TYW1: variants seen among roughly 807,000 people sequenced by gnomAD.
TYW1 encodes the protein tRNA-yW synthesizing protein 1 homolog.
Under a neutral mutation model 96.2 loss-of-function variants are expected in TYW1, and 46 were observed. The ratio of observed to expected loss-of-function variants is 0.48; its 90% CI spans 0.38 to 0.61. TYW1 has a LOEUF of 0.61. TYW1 is among the 20% of genes least tolerant of loss of function. The pLI is 0.00. For synonymous variants in TYW1, 274 were observed against 323.0 expected, an observed-to-expected ratio of 0.85 and a Z score of 1.63; for missense variants, 684 against 909.6, an observed-to-expected ratio of 0.75 and a Z score of 3.19.
At chr7:67,012,600 A>G (rs1287489196) in intron 4 of TYW1, among the ~76,000 whole-genome samples, 4 of 152,160 alleles carry the variant, frequency 2.6e-5, no homozygotes, top group South Asian at 2.1e-4. Context: ...ACACCAGGCT[A>G]TCAAGACTAA....
intron 14 of TYW1, among the ~76,000 whole-genome samples, chr7:67,189,563 T>C (rs1341989726): frequency 1.3e-5 from 2 of 152,196 alleles, no homozygotes. Context: ...CCAGTTTTGA[T>C]ACCCACCTAA....
chr7:67,067,363 C>G lies in TYW1; in HGVS notation c.1234C>G (p.Pro412Ala). 6.2e-7 allele frequency: 1 copy of G among 1,613,954 alleles called. No homozygotes were observed. Among genetic ancestry groups the G allele is most frequent in the Non-Finnish European group, 8.5e-7 (1 of 1,179,868 alleles). The change falls in exon 10 of 16, where the codon CCG becomes GCG. Residue 412 changes from proline to alanine, a missense_variant. Coordinates refer to ENST00000359626, the MANE Select transcript of TYW1 (RefSeq NM_018264.4). ...GAGCCATCGCTGCATGGAAACCACCCCGAGCTTGGCGTGTGCTAATAAATG... is the reference window on the plus strand; with the variant it reads ...GAGCCATCGCTGCATGGAAACCACCGCGAGCTTGGCGTGTGCTAATAAATG... ...IESHRCMETT[P>A]SLACANKCVF...
At chr7:67,075,717 C>T (rs137891722) in intron 10 of TYW1, among the ~76,000 whole-genome samples, 42 of 152,130 alleles carry the variant, frequency 2.8e-4, no homozygotes, top group African/African-American at 8.2e-4. Flanking sequence ...TGCCTAGGGC[C>T]GGAGGGAATA....
chr7:67,199,899 CAAGA>C (rs1019376416), intron 15 of TYW1, among the ~76,000 whole-genome samples: 94 of 144,092 alleles, frequency 6.5e-4, no homozygotes, highest in African/African-American at 2.3e-3. Flanking sequence ...GAGAACCCAT[CAAGA>C]AAGAAAGAGA....
At chr7:67,027,153 T>G (rs181459876) in intron 7 of TYW1, among the ~76,000 whole-genome samples, 2 of 151,796 alleles carry the variant, frequency 1.3e-5, no homozygotes, top group East Asian at 3.9e-4. Context: ...TGAGCTGTGA[T>G]CATGTCACTG....
intron 11 of TYW1, among the ~76,000 whole-genome samples, chr7:67,093,675 G>A (rs1796793258): frequency 1.3e-5 from 2 of 152,108 alleles, no homozygotes; most frequent in African/African-American, 2.4e-5. Flanking sequence ...TAAGATCTTA[G>A]ATTTCAATAA....
At chr7:67,065,198 T>C (rs1795819990) in intron 9 of TYW1, among the ~76,000 whole-genome samples, 1 of 152,204 alleles carries the variant, frequency 6.6e-6, no homozygotes, top group Non-Finnish European at 1.5e-5. Context: ...TGCAGAGAGA[T>C]CTCTGGTCTC....
intron 13 of TYW1, among the ~76,000 whole-genome samples, chr7:67,128,690 GTTTTT>G (rs59475781): frequency 0.29 from 39,392 of 136,828 alleles, 5,966 homozygotes; most frequent in African/African-American, 0.44. Flanking sequence ...AGGTCTCAGT[GTTTTT>G]TTTTTTTTTT....
At chr7:67,139,980 T>C (rs1798392078) in intron 13 of TYW1, among the ~76,000 whole-genome samples, 1 of 151,980 alleles carries the variant, frequency 6.6e-6, no homozygotes, top group Non-Finnish European at 1.5e-5. Flanking sequence ...CAAAGAGGTT[T>C]AATGGGACTT....
At chr7:67,201,434 A>G (rs1275595145) in intron 15 of TYW1, among the ~76,000 whole-genome samples, 2 of 148,810 alleles carry the variant, frequency 1.3e-5, no homozygotes, top group East Asian at 3.9e-4. Flanking sequence ...AAAGGCTGTG[A>G]TGAATGAGAG....
Position 67,238,552 on chromosome 7 carries a change from G to A in TYW1, c.*23G>A. 6.2e-7 allele frequency: 1 copy of A among 1,602,610 alleles called. No homozygotes were observed. Among genetic ancestry groups the A allele is most frequent in the Non-Finnish European group, 8.5e-7 (1 of 1,174,726 alleles). ...TGAGATTATCTGATTTCAAGGTACT[G>A]AAGGACAAAAACTTGGATGGCCTCA... On this transcript the variant is annotated 3_prime_UTR_variant, in exon 16 of 16. Transcript: ENST00000359626.
At chr7:67,208,625 G>T (rs1414014715) in intron 15 of TYW1, among the ~76,000 whole-genome samples, 1 of 150,510 alleles carries the variant, frequency 6.6e-6, no homozygotes, top group Non-Finnish European at 1.5e-5. Context: ...GTGAGGCGGA[G>T]GTTGCAGTGA....
chr7:67,219,364 TTGTC>T (rs765643845), intron 15 of TYW1, among the ~76,000 whole-genome samples: 29 of 152,236 alleles, frequency 1.9e-4, no homozygotes, highest in Non-Finnish European at 4.3e-4. Flanking sequence ...AGTACGATCT[TTGTC>T]TGGCTTTGGT....
intron 13 of TYW1, among the ~76,000 whole-genome samples, chr7:67,169,069 T>C (rs1235728595): frequency 1.3e-5 from 2 of 152,220 alleles, no homozygotes; most frequent in Non-Finnish European, 2.9e-5. Flanking sequence ...CAAGTAATTT[T>C]TGGAATACTT....
intron 11 of TYW1, among the ~76,000 whole-genome samples, chr7:67,095,875 T>A (rs1796893704): frequency 6.6e-6 from 1 of 152,182 alleles, no homozygotes; most frequent in Non-Finnish European, 1.5e-5. Context: ...AAATTTAACT[T>A]TATTTCGCCC....
At chr7:67,052,249 C>T (rs1412708070) in intron 8 of TYW1, among the ~76,000 whole-genome samples, 3 of 152,068 alleles carry the variant, frequency 2.0e-5, no homozygotes, top group Non-Finnish European at 4.4e-5. Flanking sequence ...CTCCTCCCCA[C>T]CCACCCACTT....
chr7:67,202,039 TTGGGAACCA>T (rs889554212), intron 15 of TYW1, among the ~76,000 whole-genome samples: 12 of 152,206 alleles, frequency 7.9e-5, no homozygotes, highest in African/African-American at 2.9e-4. Flanking sequence ...TTCCCACTGC[TTGGGAACCA>T]TGGCCACGAA....
chr7:67,090,638 A>C (rs965520897), intron 11 of TYW1, among the ~76,000 whole-genome samples: 2 of 152,176 alleles, frequency 1.3e-5, no homozygotes, highest in African/African-American at 4.8e-5. Flanking sequence ...TAGTTGTGAA[A>C]GGGTTAAGAT....
chr7:67,123,702 G>A (rs1797829686), intron 13 of TYW1, among the ~76,000 whole-genome samples: 1 of 152,306 alleles, frequency 6.6e-6, no homozygotes, highest in South Asian at 2.1e-4. Context: ...GGGAGTCTGC[G>A]GGTGTTGAAG....
Sources: allele counts gnomAD v4.1 joint callset (sites outside exome capture counted in the v4.1 genomes callset), GRCh38; gene constraint gnomAD v4.1.1; transcripts MANE v1.5; gene names NCBI Gene and HGNC (gene_info 2026-07-23, HGNC 2026-07-21).